The following DKK2 variants were observed in gnomAD, a reference collection of about 807,000 sequenced individuals.
DKK2 encodes the protein dickkopf Wnt signaling pathway inhibitor 2.
A neutral mutation model predicts 28.1 loss-of-function variants in DKK2; 11 were observed. That is an observed-to-expected ratio of 0.39 (90% CI 0.25 to 0.65). DKK2 has a LOEUF of 0.65. DKK2 is among the 30% of genes least tolerant of loss of function. The pLI is 0.47. For missense variants in DKK2, 326 were observed against 335.5 expected (o/e 0.97, Z 0.22); for synonymous variants, 135 against 126.5 (o/e 1.07, Z -0.45).
chr4:106,968,009 G>A (rs547420450), intron 1 of DKK2, among the ~76,000 whole-genome samples: 2 of 149,916 alleles, frequency 1.3e-5, no homozygotes, highest in African/African-American at 4.9e-5. Context: ...AGGAGATGGA[G>A]AGATGAAGGC....
chr4:106,980,481 A>C (rs1687117996), intron 1 of DKK2, among the ~76,000 whole-genome samples: 1 of 152,160 alleles, frequency 6.6e-6, no homozygotes, highest in South Asian at 2.1e-4. Context: ...AAGTAAAGCC[A>C]ATGGAAGATA....
At chr4:106,956,350 C>A (rs1476746743) in intron 1 of DKK2, among the ~76,000 whole-genome samples, 1 of 152,088 alleles carries the variant, frequency 6.6e-6, no homozygotes, top group East Asian at 1.9e-4. Context: ...AGATTCAATG[C>A]CATCCCCATC....
intron 1 of DKK2, among the ~76,000 whole-genome samples, chr4:107,033,793 TC>T (rs1578386155): frequency 6.6e-6 from 1 of 152,116 alleles, no homozygotes; most frequent in Non-Finnish European, 1.5e-5. Flanking sequence ...TTCTTTCTAA[TC>T]CCTGTTCCAT....
At chr4:106,941,598 G>A (rs1034820892) in intron 1 of DKK2, among the ~76,000 whole-genome samples, 4 of 152,150 alleles carry the variant, frequency 2.6e-5, no homozygotes, top group African/African-American at 4.8e-5. Context: ...TTTATGCAGT[G>A]AAGCACCCCA....
intron 1 of DKK2, among the ~76,000 whole-genome samples, chr4:106,996,991 A>G (rs1257371464): frequency 6.6e-6 from 1 of 152,124 alleles, no homozygotes; most frequent in Non-Finnish European, 1.5e-5. Context: ...GCAACTCTCA[A>G]ATGTTAAGGA....
chr4:106,949,309 T>A (rs1254254509), intron 1 of DKK2, among the ~76,000 whole-genome samples: 1 of 152,182 alleles, frequency 6.6e-6, no homozygotes, highest in African/African-American at 2.4e-5. Context: ...GGAAACTATT[T>A]TCCAGTGAAG....
rs576014981 is a variant in DKK2 at position 107,030,819 on chromosome 4, C to T, written c.222+4551G>A. Among the ~76,000 whole-genome samples, 5 of 151,960 alleles carry T rather than the reference C, an allele frequency of 3.3e-5. No individual in the cohort carries two copies. The East Asian group carries it at 7.7e-4, about 23-fold the overall frequency. On this transcript the variant is annotated intron_variant, in intron 1 of 3. Coordinates refer to ENST00000285311, the MANE Select transcript of DKK2 (RefSeq NM_014421.3). ...GGAAATGAAGAAGAGCCAATATTTT[C>T]CTAGATCAGAATATACTAGCTATAG...
At chr4:106,979,057 G>T (rs1722989403) in intron 1 of DKK2, among the ~76,000 whole-genome samples, 2 of 149,830 alleles carry the variant, frequency 1.3e-5, no homozygotes. Flanking sequence ...AACATTCAAA[G>T]GTTTTTTGTT....
chr4:106,925,691 C>T, intron 2 of DKK2, 108 bp downstream of exon 2: 1 of 1,411,390 alleles, frequency 7.1e-7, no homozygotes, highest in East Asian at 2.3e-5. Flanking sequence ...TTCTACCAGG[C>T]TTCTTATATT....
chr4:107,005,113 C>T (rs893893212), intron 1 of DKK2, among the ~76,000 whole-genome samples: 1 of 151,996 alleles, frequency 6.6e-6, no homozygotes, highest in East Asian at 1.9e-4. Context: ...AAGCCCGAGG[C>T]GGGCGTGTCA....
At chr4:107,011,214 T>C (rs534524145) in intron 1 of DKK2, among the ~76,000 whole-genome samples, 2 of 151,586 alleles carry the variant, frequency 1.3e-5, no homozygotes, top group Non-Finnish European at 3.0e-5. Context: ...TCTGAAACCA[T>C]ATTGATGAAC....
intron 1 of DKK2, among the ~76,000 whole-genome samples, chr4:106,949,099 A>G (rs1724821258): frequency 6.6e-6 from 1 of 152,134 alleles, no homozygotes; most frequent in African/African-American, 2.4e-5. Context: ...CACATATTTC[A>G]ACATCTGCCT....
chr4:107,028,013 A>G (rs1354926438), intron 1 of DKK2, among the ~76,000 whole-genome samples: 1 of 151,990 alleles, frequency 6.6e-6, no homozygotes, highest in Non-Finnish European at 1.5e-5. Flanking sequence ...CAGCCTCCCA[A>G]AGTGCTAGGA....
chr4:107,012,096 A>G lies in DKK2; in HGVS notation c.222+23274T>C, dbSNP rs144067325. Among the ~76,000 whole-genome samples, 21 of 151,452 alleles carry G rather than the reference A, an allele frequency of 1.4e-4. No homozygotes were observed. In the East Asian group the frequency reaches 2.7e-3, roughly 20 times the overall value. On this transcript the variant is annotated intron_variant, in intron 1 of 3. Transcript: ENST00000285311. ...TTAAATAACAAAAATCATTTTAATCACACCCTCCATGTGTTACAAGCAAAT... is the reference window on the plus strand; with the variant it reads ...TTAAATAACAAAAATCATTTTAATCGCACCCTCCATGTGTTACAAGCAAAT...
chr4:107,015,459 CTT>C (rs1439109586), intron 1 of DKK2, among the ~76,000 whole-genome samples: 2 of 151,614 alleles, frequency 1.3e-5, no homozygotes, highest in African/African-American at 2.4e-5. Context: ...AAACAGGAAT[CTT>C]TAGACATACA....
intron 1 of DKK2, among the ~76,000 whole-genome samples, chr4:107,026,691 T>C (rs1344109932): frequency 1.3e-5 from 2 of 151,886 alleles, no homozygotes; most frequent in Non-Finnish European, 2.9e-5. Flanking sequence ...TAGCTTTAAT[T>C]AATGTACAGG....
At chr4:107,022,053 C>T (rs889211490) in intron 1 of DKK2, among the ~76,000 whole-genome samples, 2 of 151,986 alleles carry the variant, frequency 1.3e-5, no homozygotes, top group Non-Finnish European at 1.5e-5. Flanking sequence ...ATGTTTCCAT[C>T]CTTAACTGAA....
At chr4:107,024,879 C>T (rs1041538369) in intron 1 of DKK2, among the ~76,000 whole-genome samples, 6 of 152,176 alleles carry the variant, frequency 3.9e-5, no homozygotes, top group Non-Finnish European at 5.9e-5. Flanking sequence ...ATGCAGAAAT[C>T]GTAACCACCT....
intron 1 of DKK2, among the ~76,000 whole-genome samples, chr4:107,017,060 C>T (rs1723619286): frequency 6.6e-6 from 1 of 151,918 alleles, no homozygotes; most frequent in Admixed American, 6.6e-5. Context: ...TACCAGTCCC[C>T]ATGTTAAATA....
Sources: allele counts gnomAD v4.1 joint callset (sites outside exome capture counted in the v4.1 genomes callset), GRCh38; gene constraint gnomAD v4.1.1; transcripts MANE v1.5; gene names NCBI Gene and HGNC (gene_info 2026-07-23, HGNC 2026-07-21).